SLC45A4: variants seen among roughly 807,000 people sequenced by gnomAD.
SLC45A4 encodes solute carrier family 45 member 4, also known as polyamine-transporter SLC45A4.
SLC45A4 carries 32 observed loss-of-function variants against 63.7 expected under a neutral mutation model. That is an observed-to-expected ratio of 0.50 (90% CI 0.38 to 0.67). SLC45A4 has a LOEUF of 0.67. SLC45A4 is among the 30% of genes least tolerant of loss of function. The pLI is 0.00. For synonymous variants in SLC45A4, 535 were observed against 510.0 expected, an observed-to-expected ratio of 1.05 and a Z score of -0.66; for missense variants, 1,027 against 1,157.7, an observed-to-expected ratio of 0.89 and a Z score of 1.64.
intron 1 of SLC45A4, among the ~76,000 whole-genome samples, chr8:141,282,367 C>T (rs1009212184): frequency 1.3e-5 from 2 of 152,232 alleles, no homozygotes; most frequent in African/African-American, 4.8e-5. Flanking sequence ...TCTGAACGAG[C>T]CTGAAGAAGG....
intron 1 of SLC45A4, among the ~76,000 whole-genome samples, chr8:141,283,604 C>T (rs930979264): frequency 3.9e-5 from 6 of 152,246 alleles, no homozygotes; most frequent in South Asian, 2.1e-4. Context: ...AGGGCACCAC[C>T]GGGCTGTGGT....
chr8:141,296,988 G>A (rs1402311744), intron 1 of SLC45A4, among the ~76,000 whole-genome samples: 2 of 152,132 alleles, frequency 1.3e-5, no homozygotes, highest in East Asian at 3.8e-4. Flanking sequence ...CCAGCCTCCA[G>A]AACTTGAGAA....
chr8:141,276,385 T>C (rs1457427051), intron 1 of SLC45A4, among the ~76,000 whole-genome samples: 3 of 152,186 alleles, frequency 2.0e-5, no homozygotes, highest in Non-Finnish European at 2.9e-5. Flanking sequence ...GAGCAGCTCC[T>C]GAAGCTCAGT....
At chr8:141,255,906 T>C (rs891443971) in intron 1 of SLC45A4, among the ~76,000 whole-genome samples, 5 of 152,114 alleles carry the variant, frequency 3.3e-5, no homozygotes, top group African/African-American at 7.2e-5. Flanking sequence ...AATGAAATTA[T>C]AGACCTTTTC....
chr8:141,307,846 G>T (rs1469619172), intron 1 of SLC45A4, among the ~76,000 whole-genome samples: 1 of 150,958 alleles, frequency 6.6e-6, no homozygotes, highest in Non-Finnish European at 1.5e-5. Flanking sequence ...GCAGGGCTGG[G>T]GACCAGGGCA....
Position 141,227,497 on chromosome 8 carries a change from C to G in SLC45A4, c.242-5732G>C, listed in dbSNP as rs570796641. 6.6e-6 allele frequency among the ~76,000 whole-genome samples: 1 copy of G among 152,204 alleles called. No individual in the cohort carries two copies. Among genetic ancestry groups the G allele is most frequent in the Non-Finnish European group, 1.5e-5 (1 of 68,028 alleles). ...GCGAAACTCGTGAGCACAAGTCCTG[C>G]GTGGGAAAGGCTTAGCATCCTTGAG... On this transcript the variant is annotated intron_variant, in intron 2 of 8. Coordinates refer to ENST00000517878, the MANE Select transcript of SLC45A4 (RefSeq NM_001286646.2). The surrounding 1 kb of genome is among the most constrained non-coding windows in gnomAD (Gnocchi z 4.4).
At chr8:141,286,016 G>A (rs1204126088) in intron 1 of SLC45A4, among the ~76,000 whole-genome samples, 3 of 152,180 alleles carry the variant, frequency 2.0e-5, no homozygotes, top group African/African-American at 7.2e-5. Flanking sequence ...GCGGCACCTC[G>A]TGGCTCTGTG....
rs375840297 is a variant in SLC45A4, at chr8:141,246,388, G to A, written c.241+7601C>T. On this transcript the variant is annotated intron_variant, in intron 2 of 8. Transcript: ENST00000517878. ...GGCTCTGGTTTGGGGCCTCTCACAG[G>A]CTCCTGGACTGAGAGCCTCGGCCCT... 5.6e-5 allele frequency among the ~76,000 whole-genome samples: 6 copies of A among 106,332 alleles called. No homozygotes were observed. In the East Asian group the frequency reaches 1.6e-3, roughly 28 times the overall value. 69.8% of individuals were successfully genotyped at this position (106,332 alleles called of 152,430 possible).
chr8:141,221,853 C>T, intron 2 of SLC45A4, 88 bp from the exon 3 acceptor site: 3 of 1,411,524 alleles, frequency 2.1e-6, no homozygotes, highest in African/African-American at 1.4e-5. Context: ...AGGCAGGTGC[C>T]TCTGTGTACA....
chr8:141,215,154 A>C lies in SLC45A4; in HGVS notation c.1941+605T>G, dbSNP rs1826063231. 6.6e-6 allele frequency among the ~76,000 whole-genome samples: 1 copy of C among 152,234 alleles called. No individual in the cohort carries two copies. Among genetic ancestry groups the C allele is most frequent in the East Asian group, 1.9e-4 (1 of 5,200 alleles). On this transcript the variant is annotated intron_variant, in intron 7 of 8. Coordinates refer to ENST00000517878, the MANE Select transcript of SLC45A4 (RefSeq NM_001286646.2). The surrounding 1 kb of genome is among the most constrained non-coding windows in gnomAD (Gnocchi z 4.3). ...GCTGCATAAAGTCCAGAAAGAGGCA[A>C]GAGTCTGCCTGTGCTGCGGCTACTG... is the stretch of plus-strand genomic sequence containing the variant.
At chr8:141,236,885 CACTA>C (rs1827654350) in intron 2 of SLC45A4, among the ~76,000 whole-genome samples, 1 of 152,132 alleles carries the variant, frequency 6.6e-6, no homozygotes, top group African/African-American at 2.4e-5. Context: ...CAGAGGGTAG[CACTA>C]ACACATGGCC....
At chr8:141,277,496 T>C (rs1457863810) in intron 1 of SLC45A4, among the ~76,000 whole-genome samples, 1 of 152,166 alleles carries the variant, frequency 6.6e-6, no homozygotes, top group Non-Finnish European at 1.5e-5. Context: ...GAACTCCAAA[T>C]GATAGTGAGA....
intron 1 of SLC45A4, among the ~76,000 whole-genome samples, chr8:141,283,476 G>A (rs370242459): frequency 6.6e-6 from 1 of 152,192 alleles, no homozygotes; most frequent in Admixed American, 6.5e-5. Context: ...AACCAATGAA[G>A]GCTTCTCGCA....
At position 141,254,400 on chromosome 8, in the gene SLC45A4, A is replaced by G; in HGVS notation, c.-171T>C. The G allele has an allele frequency of 1.3e-6, 1 of 761,700 alleles. No homozygotes were observed. The highest frequency in any genetic ancestry group is 1.8e-5 in the South Asian group (1 of 55,600). 47.2% of individuals were successfully genotyped at this position (761,700 alleles called of 1,614,324 possible). On this transcript the variant is annotated 5_prime_UTR_variant, in exon 2 of 9. Transcript: ENST00000517878. The surrounding 1 kb of genome is among the most constrained non-coding windows in gnomAD (Gnocchi z 4.5). ...AAGTGGCTATCTCACAACTTCTCAC[A>G]ACGGTATGAGACATGCAGCAACACA...
At chr8:141,250,671 T>A (rs1238310316) in intron 2 of SLC45A4, among the ~76,000 whole-genome samples, 1 of 152,128 alleles carries the variant, frequency 6.6e-6, no homozygotes, top group South Asian at 2.1e-4. Flanking sequence ...TGAGCCAGAG[T>A]GCCCAGCCTG....
In SLC45A4 at chr8:141,294,132, T is replaced by TGG. The variant is rs1395802564; in HGVS notation, c.-401+13963_-401+13964insCC. On this transcript the variant is annotated intron_variant, in intron 1 of 8. Transcript: ENST00000517878. ...CTGAGTCCGTGGCCCAGGATCTCTG[T>TGG]AGACCAGGGTCTCCGTGGACCAGGG... Among the ~76,000 whole-genome samples, 253 of 152,138 alleles carry TGG rather than the reference T, an allele frequency of 1.7e-3. 2 individuals are homozygous for TGG. The highest frequency in any genetic ancestry group is 5.9e-3 in the African/African-American group (245 of 41,490).
chr8:141,213,906 AT>A (rs574229178), intron 7 of SLC45A4, among the ~76,000 whole-genome samples: 60 of 152,336 alleles, frequency 3.9e-4, no homozygotes, highest in Non-Finnish European at 7.1e-4. Flanking sequence ...AAAAACACAA[AT>A]TAAAGCATCA....
At chr8:141,226,534 C>T (rs916395538) in intron 2 of SLC45A4, 2 of 152,334 alleles carry the variant, frequency 1.3e-5, no homozygotes, top group Non-Finnish European at 2.9e-5. Context: ...AATCCAGAAT[C>T]TGGCCAGAGC....
At chr8:141,285,574 G>A (rs1003049524) in intron 1 of SLC45A4, among the ~76,000 whole-genome samples, 2 of 152,166 alleles carry the variant, frequency 1.3e-5, no homozygotes, top group African/African-American at 2.4e-5. Flanking sequence ...AGTCCTGTGA[G>A]GTCTGCACTC....
Sources: allele counts gnomAD v4.1 joint callset (sites outside exome capture counted in the v4.1 genomes callset), GRCh38; gene constraint gnomAD v4.1.1; non-coding constraint Gnocchi (gnomAD v3.1); transcripts MANE v1.5; gene names NCBI Gene and HGNC (gene_info 2026-07-23, HGNC 2026-07-21).